CFAP43: variants seen among roughly 807,000 people sequenced by gnomAD.
CFAP43 encodes the protein cilia and flagella associated protein 43.
A neutral mutation model predicts 218.9 loss-of-function variants in CFAP43; 155 were observed. The observed-to-expected ratio is 0.71, with a 90% CI of 0.62 to 0.81. The LOEUF is 0.81. Ranked by LOEUF, CFAP43 falls within the 30% of genes least tolerant of loss-of-function variation. CFAP43 has a pLI of 0.00. For synonymous variants in CFAP43, 645 were observed against 681.3 expected, an observed-to-expected ratio of 0.95 and a Z score of 0.83; for missense variants, 1,778 against 1,954.3, an observed-to-expected ratio of 0.91 and a Z score of 1.70.
chr10:104,187,462 C>A lies in CFAP43; in HGVS notation c.1718G>T (p.Arg573Met). 6.3e-7 allele frequency: 1 copy of A among 1,593,594 alleles called. No homozygotes were observed. Among genetic ancestry groups the A allele is most frequent in the Non-Finnish European group, 8.5e-7 (1 of 1,171,432 alleles). The change falls in exon 14 of 38, where the codon AGG (arginine) becomes ATG (methionine). Residue 573 changes from arginine to methionine, a missense_variant. By Grantham distance (91) the Arg-to-Met change is moderately conservative (BLOSUM62 -1). Around this residue, in one of 3 missense-constraint regions of CFAP43, gnomAD observed 1,553 missense variants for 1,685.2 expected, o/e 0.92. Transcript: ENST00000357060. ...CTTATGAATGATTTCATCTTTCAGC[C>A]TTCCTCTTTCATCAGCAAAGGTTGT... Reference protein sequence around the residue: ...VSTTFADERGRLKDEIIHKYL... With the variant: ...VSTTFADERGMLKDEIIHKYL...
intron 2 of CFAP43, among the ~76,000 whole-genome samples, chr10:104,229,842 C>G (rs1014084094): frequency 6.6e-6 from 1 of 152,034 alleles, no homozygotes; most frequent in African/African-American, 2.4e-5. Flanking sequence ...AGAGACTTGA[C>G]TTTAGAAGCT....
chr10:104,132,309 A>T (rs1264172667), intron 35 of CFAP43, 113 bp from the exon 36 acceptor site: 2 of 824,412 alleles, frequency 2.4e-6, no homozygotes, highest in African/African-American at 3.5e-5. Flanking sequence ...ATATCTATGC[A>T]AGTTAAGATT....
intron 2 of CFAP43, among the ~76,000 whole-genome samples, chr10:104,229,772 G>A (rs973764410): frequency 2.0e-5 from 3 of 152,068 alleles, no homozygotes; most frequent in East Asian, 1.9e-4. Flanking sequence ...CATCATCACC[G>A]CAGCCTTCAC....
At chr10:104,141,705 T>C (rs2087714555) in intron 33 of CFAP43, among the ~76,000 whole-genome samples, 2 of 152,198 alleles carry the variant, frequency 1.3e-5, no homozygotes, top group Admixed American at 1.3e-4. Flanking sequence ...AATATGTAAG[T>C]TACTTAACAA....
At chr10:104,204,940 C>A (rs946084263) in intron 7 of CFAP43, among the ~76,000 whole-genome samples, 1 of 152,116 alleles carries the variant, frequency 6.6e-6, no homozygotes, top group Non-Finnish European at 1.5e-5. Context: ...CTGGGCCGGG[C>A]GCAGTGGCTC....
intron 27 of CFAP43, among the ~76,000 whole-genome samples, chr10:104,157,775 T>TGTGTGTGTGAGAGAGA (rs1484523345): frequency 7.8e-5 from 7 of 90,156 alleles, no homozygotes; most frequent in African/African-American, 3.0e-4. Flanking sequence ...TGTGTGTGTG[T>TGTGTGTGTGAGAGAGA]GAGAGAGAGA....
intron 3 of CFAP43, among the ~76,000 whole-genome samples, chr10:104,215,652 A>G (rs2090993304): frequency 6.6e-6 from 1 of 152,008 alleles, no homozygotes; most frequent in Non-Finnish European, 1.5e-5. Flanking sequence ...CAATCCTGCT[A>G]TGTTTCTCTG....
At chr10:104,225,207 T>A (rs1312657906) in intron 3 of CFAP43, among the ~76,000 whole-genome samples, 1 of 152,164 alleles carries the variant, frequency 6.6e-6, no homozygotes, top group South Asian at 2.1e-4. Flanking sequence ...AAATATATTC[T>A]CTATCTGAGA....
Position 104,130,291 on chromosome 10 carries a change from A to G in CFAP43, c.4846T>C (p.Cys1616Arg). ...TACCGTTCTTTGACAATCTTTTCAC[A>G]AGTCAGTTTAGACCCTATCCCAAAA... is the stretch of plus-strand genomic sequence containing the variant. ...ICNAMGSKLT[C>R]EKIVKERYEN... is the part of the protein sequence containing the mutation. The change falls in exon 38 of 38, where the codon TGT (cysteine) becomes CGT (arginine). Residue 1616 changes from cysteine to arginine, a missense_variant. Physicochemically the swap from Cys to Arg is radical, Grantham distance 180 (BLOSUM62 -3). Transcript: ENST00000357060. 6.2e-7 allele frequency: 1 copy of G among 1,610,740 alleles called. No homozygotes were observed. The highest frequency in any genetic ancestry group is 8.5e-7 in the Non-Finnish European group (1 of 1,179,450).
chr10:104,157,850 C>T (rs1191182772), intron 27 of CFAP43, among the ~76,000 whole-genome samples: 1 of 147,636 alleles, frequency 6.8e-6, no homozygotes, highest in Non-Finnish European at 1.5e-5. Flanking sequence ...ATCTGGTATC[C>T]AGATCTTGGT....
At chr10:104,169,240 G>C (rs1166397030) in intron 20 of CFAP43, among the ~76,000 whole-genome samples, 7 of 152,170 alleles carry the variant, frequency 4.6e-5, no homozygotes, top group Admixed American at 4.6e-4. Flanking sequence ...AAGTCTTCCT[G>C]TTTTATTAGA....
rs761935200 is a variant in CFAP43 at position 104,164,186 on chromosome 10, T to C, written c.3154A>G (p.Ile1052Val). 2.5e-6 allele frequency: 4 copies of C among 1,614,226 alleles called. No individual in the cohort carries two copies. The East Asian group carries it at 8.9e-5, about 36-fold the overall frequency. Residue 1052 changes from isoleucine to valine, a missense_variant, in exon 24 of 38, where the codon ATT becomes GTT. Ile to Val is a conservative substitution (Grantham distance 29, BLOSUM62 3). Around this residue, in one of 3 missense-constraint regions of CFAP43, gnomAD observed 1,553 missense variants for 1,685.2 expected, o/e 0.92. Coordinates refer to ENST00000357060, the MANE Select transcript of CFAP43 (RefSeq NM_025145.7). ...KERNVRIREI[I>V]LDLELEEAVW... The stretch of plus-strand genomic sequence containing the variant: ...GCTTCTTCCAATTCCAGATCTAAAA[T>C]AATTTCTCGAATTCGAACATTTCTT...
chr10:104,177,018 T>C (rs895851098), intron 19 of CFAP43, among the ~76,000 whole-genome samples: 3 of 151,968 alleles, frequency 2.0e-5, no homozygotes, highest in African/African-American at 7.2e-5. Context: ...GAAATACAAA[T>C]AGTGTTTAGA....
chr10:104,171,887 G>C (rs556029618), intron 20 of CFAP43, among the ~76,000 whole-genome samples: 13 of 152,322 alleles, frequency 8.5e-5, no homozygotes, highest in East Asian at 7.7e-4. Flanking sequence ...ACGGCATGAT[G>C]ATGACGAGGC....
At chr10:104,140,781 ACTCTAGC>A (rs2087669505) in intron 34 of CFAP43, 54 bp downstream of exon 34, 1 of 1,361,628 alleles carries the variant, frequency 7.3e-7, no homozygotes, top group Non-Finnish European at 9.9e-7. Flanking sequence ...GTGCCACAAG[ACTCTAGC>A]CTGAGTAACA....
intron 20 of CFAP43, among the ~76,000 whole-genome samples, chr10:104,169,133 T>G (rs1589691934): frequency 6.6e-6 from 1 of 152,158 alleles, no homozygotes; most frequent in African/African-American, 2.4e-5. Context: ...ACGAGTGAAG[T>G]GGGGTGTGAG....
intron 11 of CFAP43, chr10:104,193,618 A>G: frequency 2.3e-6 from 1 of 430,598 alleles, no homozygotes; most frequent in Non-Finnish European, 4.2e-6. Context: ...TTGCTTGTTC[A>G]TGGATAAAAC....
chr10:104,222,476 T>C (rs2091207245), intron 3 of CFAP43, among the ~76,000 whole-genome samples: 1 of 152,166 alleles, frequency 6.6e-6, no homozygotes, highest in African/African-American at 2.4e-5. Flanking sequence ...TTCATACTCA[T>C]TCTTGGGCCC....
At chr10:104,192,386 T>A (rs1443116476) in intron 11 of CFAP43, 84 bp from the exon 12 acceptor site, 1 of 1,021,326 alleles carries the variant, frequency 9.8e-7, no homozygotes, top group Non-Finnish European at 1.5e-6. Context: ...GCCACAGAGA[T>A]ATGTTCAAAG....
Sources: gnomAD v4.1 joint callset for allele counts (sites outside exome capture counted in the v4.1 genomes callset) on GRCh38, gnomAD v4.1.1 for gene constraint, gnomAD v4.1.1 regional missense constraint, MANE v1.5 for transcripts, NCBI Gene and HGNC (gene_info 2026-07-23, HGNC 2026-07-21) for gene names.